Variants in IQSEC1 observed in about 807,000 individuals in gnomAD.
The protein encoded by IQSEC1 is IQ motif and Sec7 domain ArfGEF 1.
In IQSEC1, 31 loss-of-function variants were observed where a neutral mutation model predicts 91.0. The ratio of observed to expected loss-of-function variants is 0.34; its 90% CI spans 0.26 to 0.46. The LOEUF (loss-of-function observed/expected upper bound fraction) is 0.46. Among genes scored for constraint, IQSEC1 ranks in the 20% least tolerant of loss-of-function variants. The probability of loss-of-function intolerance (pLI) is 1.00; values close to 1 mark genes in which losing one functional copy is unlikely to be tolerated. For synonymous variants in IQSEC1, 699 were observed against 662.6 expected (o/e 1.05, Z -0.84); for missense variants, 1,388 against 1,575.6 (o/e 0.88, Z 2.02).
intron 1 of IQSEC1, among the ~76,000 whole-genome samples, chr3:13,190,587 A>G (rs929811036): frequency 4.7e-5 from 7 of 149,102 alleles, no homozygotes; most frequent in African/African-American, 1.7e-4. Flanking sequence ...TGTGGCCTTG[A>G]CCTCCCTGTA....
intron 2 of IQSEC1, 90 bp from the exon 3 acceptor site, chr3:12,936,787 C>CT (rs1188469755): frequency 7.7e-7 from 1 of 1,305,568 alleles, no homozygotes; most frequent in African/African-American, 1.5e-5. Context: ...AGCCACGTGG[C>CT]TGTGCGACCT....
intron 1 of IQSEC1, among the ~76,000 whole-genome samples, chr3:13,273,829 C>T (rs138825858): frequency 6.6e-6 from 1 of 152,274 alleles, no homozygotes; most frequent in East Asian, 1.9e-4. Context: ...CTGGCTCTGC[C>T]TCACCCCTCG....
chr3:13,107,744 C>T (rs756592143), intron 2 of IQSEC1, among the ~76,000 whole-genome samples: 4 of 152,260 alleles, frequency 2.6e-5, no homozygotes, highest in African/African-American at 7.2e-5. Flanking sequence ...AGCAGAATCC[C>T]GCCCCTGGGC....
At chr3:13,108,790 G>C (rs1252423763) in intron 2 of IQSEC1, among the ~76,000 whole-genome samples, 4 of 152,236 alleles carry the variant, frequency 2.6e-5, no homozygotes, top group Admixed American at 2.6e-4. Context: ...GTCGCAACCA[G>C]ATAAGCATCA....
At chr3:13,174,837 C>G (rs111887666) in intron 1 of IQSEC1, among the ~76,000 whole-genome samples, 19 of 148,704 alleles carry the variant, frequency 1.3e-4, no homozygotes, top group Middle Eastern at 7.0e-3. Flanking sequence ...TTCTGCTCCC[C>G]CCCCCCACCT....
chr3:13,003,032 C>A (rs1265390503), intron 1 of IQSEC1, among the ~76,000 whole-genome samples: 2 of 152,020 alleles, frequency 1.3e-5, no homozygotes, highest in Non-Finnish European at 2.9e-5. Flanking sequence ...ATGCAAATAT[C>A]CATAGTAGTA....
chr3:12,953,666 G>A (rs1366390164), intron 1 of IQSEC1, among the ~76,000 whole-genome samples: 1 of 152,170 alleles, frequency 6.6e-6, no homozygotes, highest in Non-Finnish European at 1.5e-5. Flanking sequence ...GGCTTCTCAG[G>A]CCACCCAACC....
chr3:12,902,941 C>T (rs1455550174), intron 12 of IQSEC1, 119 bp from the exon 13 acceptor site: 46 of 775,220 alleles, frequency 5.9e-5, no homozygotes, highest in East Asian at 1.6e-4. Context: ...GCACAGGTGC[C>T]GGGCCCACCT....
Position 13,190,860 on chromosome 3 carries a change from G to A in IQSEC1, c.273-26727C>T, listed in dbSNP as rs148839071. ...TCCCAGAGCAGTCCCCAAATGGGAG[G>A]AGGGCTCTCTCCCTACCCCTCTGCC... On this transcript the variant is annotated intron_variant, in intron 1 of 15. Transcript: ENST00000648114. 4.4e-3 allele frequency among the ~76,000 whole-genome samples: 672 copies of A among 152,296 alleles called. 7 individuals are homozygous for A. Among genetic ancestry groups the A allele is most frequent in the Admixed American group, 9.5e-3 (146 of 15,294 alleles).
At chr3:13,085,749 G>A (rs1037125499) in intron 2 of IQSEC1, among the ~76,000 whole-genome samples, 2 of 152,236 alleles carry the variant, frequency 1.3e-5, no homozygotes, top group East Asian at 1.9e-4. Context: ...CAGGAGGCCC[G>A]AGGCCACGTC....
intron 1 of IQSEC1, among the ~76,000 whole-genome samples, chr3:13,200,050 G>A (rs983807321): frequency 6.8e-4 from 82 of 119,874 alleles, no homozygotes; most frequent in African/African-American, 2.6e-3. Context: ...CACTACACAC[G>A]CACACACACC....
At chr3:12,944,222 C>T (rs1197260658) in intron 1 of IQSEC1, among the ~76,000 whole-genome samples, 1 of 152,226 alleles carries the variant, frequency 6.6e-6, no homozygotes, top group Non-Finnish European at 1.5e-5. Context: ...CCCCCACCCA[C>T]AGCAGCCTCC....
intron 1 of IQSEC1, among the ~76,000 whole-genome samples, chr3:13,231,225 T>C (rs1694833461): frequency 6.6e-6 from 1 of 152,358 alleles, no homozygotes; most frequent in East Asian, 1.9e-4. Context: ...GCAGAGTTTT[T>C]AAAAATAATA....
intron 1 of IQSEC1, among the ~76,000 whole-genome samples, chr3:13,038,568 G>T (rs1019472963): frequency 1.3e-5 from 2 of 151,916 alleles, no homozygotes; most frequent in Non-Finnish European, 1.5e-5. Context: ...ATGAGTAAGT[G>T]AATAAGACTT....
intron 2 of IQSEC1, among the ~76,000 whole-genome samples, chr3:13,139,407 T>G (rs1706763488): frequency 6.6e-6 from 1 of 152,204 alleles, no homozygotes. Context: ...GCTAGGAAGA[T>G]CCGGCATGTT....
At chr3:12,916,961 G>T (rs967454655) in intron 6 of IQSEC1, among the ~76,000 whole-genome samples, 2 of 152,200 alleles carry the variant, frequency 1.3e-5, no homozygotes, top group Admixed American at 1.3e-4. Flanking sequence ...ACAACTAGGG[G>T]GCACAGCCAG....
chr3:12,929,372 G>A (rs975440017), intron 3 of IQSEC1, among the ~76,000 whole-genome samples: 1 of 152,192 alleles, frequency 6.6e-6, no homozygotes, highest in Non-Finnish European at 1.5e-5. Flanking sequence ...AGCTGGAAGG[G>A]GCAGAAGGAC....
At chr3:12,985,563 CTGG>C (rs1304754775) in intron 1 of IQSEC1, among the ~76,000 whole-genome samples, 12 of 151,908 alleles carry the variant, frequency 7.9e-5, no homozygotes, top group Non-Finnish European at 1.8e-4. Context: ...CAAGGAAAAT[CTGG>C]TGCCAGCACC....
At chr3:12,959,806 T>C (rs766397136) in intron 1 of IQSEC1, among the ~76,000 whole-genome samples, 3 of 152,248 alleles carry the variant, frequency 2.0e-5, no homozygotes, top group Admixed American at 2.0e-4. Context: ...ATTCTACTTT[T>C]GTACGTTGCA....
Sources: allele counts gnomAD v4.1 joint callset (sites outside exome capture counted in the v4.1 genomes callset), GRCh38; gene constraint gnomAD v4.1.1; transcripts MANE v1.5; gene names NCBI Gene and HGNC (gene_info 2026-07-23, HGNC 2026-07-21).